Variants in CCDC178 observed in about 807,000 individuals in gnomAD.
The protein encoded by CCDC178 is coiled-coil domain-containing protein 178.
In CCDC178, 126 loss-of-function variants were observed where a neutral mutation model predicts 117.4. That is an observed-to-expected ratio of 1.07 (90% confidence interval 0.93 to 1.24). The LOEUF is 1.24. CCDC178 is among the 50% of genes most tolerant of loss of function. CCDC178 has a pLI of 0.00. For synonymous variants in CCDC178, 283 were observed against 313.4 expected (o/e 0.90, Z 1.02); for missense variants, 1,030 against 986.9 (o/e 1.04, Z -0.59).
At chr18:32,965,790 A>G (rs895914994) in intron 22 of CCDC178, among the ~76,000 whole-genome samples, 3 of 151,456 alleles carry the variant, frequency 2.0e-5, no homozygotes, top group African/African-American at 7.2e-5. Flanking sequence ...CAGCATGATG[A>G]CGGAAAACAA....
At chr18:33,188,755 C>T (rs751891948) in intron 20 of CCDC178, among the ~76,000 whole-genome samples, 2 of 152,126 alleles carry the variant, frequency 1.3e-5, no homozygotes, top group African/African-American at 4.8e-5. Flanking sequence ...TCTGCCAACA[C>T]CTTGATTTCA....
intron 21 of CCDC178, among the ~76,000 whole-genome samples, chr18:33,087,196 T>C (rs1431502643): frequency 6.6e-6 from 1 of 152,298 alleles, no homozygotes; most frequent in East Asian, 1.9e-4. Flanking sequence ...CAAAACTGCA[T>C]GAAAGATACA....
intron 9 of CCDC178, among the ~76,000 whole-genome samples, chr18:33,335,145 G>A (rs1409669346): frequency 6.6e-6 from 1 of 151,774 alleles, no homozygotes; most frequent in Non-Finnish European, 1.5e-5. Flanking sequence ...CCATTTTGTT[G>A]TTGGGTTTCT....
chr18:33,055,517 T>C (rs1411128200), intron 21 of CCDC178, among the ~76,000 whole-genome samples: 1 of 152,000 alleles, frequency 6.6e-6, no homozygotes, highest in Non-Finnish European at 1.5e-5. Flanking sequence ...TTTGCAGAGA[T>C]GGATTCTTAC....
intron 14 of CCDC178, among the ~76,000 whole-genome samples, chr18:33,253,545 T>C (rs959820388): frequency 2.6e-5 from 4 of 151,802 alleles, no homozygotes; most frequent in South Asian, 4.1e-4. Context: ...AGATAAATGG[T>C]AGAGTTAAAA....
chr18:33,231,208 T>C (rs2059364048), intron 15 of CCDC178, among the ~76,000 whole-genome samples: 1 of 152,234 alleles, frequency 6.6e-6, no homozygotes, highest in African/African-American at 2.4e-5. Context: ...ATTATTGTAA[T>C]TATGTTATAT....
At chr18:33,341,815 T>G (rs1248326702) in intron 9 of CCDC178, among the ~76,000 whole-genome samples, 1 of 152,172 alleles carries the variant, frequency 6.6e-6, no homozygotes, top group African/African-American at 2.4e-5. Flanking sequence ...CAGGTATGTC[T>G]TTATCAGCAG....
intron 20 of CCDC178, among the ~76,000 whole-genome samples, chr18:33,108,877 T>A (rs2057742047): frequency 6.6e-6 from 1 of 151,686 alleles, no homozygotes; most frequent in Non-Finnish European, 1.5e-5. Context: ...TAGTTAGAAA[T>A]GTTATCTGTG....
chr18:33,212,288 C>T (rs192620165), intron 19 of CCDC178, among the ~76,000 whole-genome samples: 1 of 152,054 alleles, frequency 6.6e-6, no homozygotes, highest in Admixed American at 6.6e-5. Context: ...GTTGCCTATC[C>T]AGCATGCTTT....
At chr18:32,978,577 T>A (rs934815686) in intron 21 of CCDC178, among the ~76,000 whole-genome samples, 1 of 152,138 alleles carries the variant, frequency 6.6e-6, no homozygotes, top group Non-Finnish European at 1.5e-5. Context: ...AAGGTATAAA[T>A]CAAAAACTTC....
chr18:33,213,374 A>T (rs1279416968), intron 19 of CCDC178, among the ~76,000 whole-genome samples: 2 of 151,924 alleles, frequency 1.3e-5, no homozygotes, highest in African/African-American at 4.8e-5. Flanking sequence ...TCTTTCATCT[A>T]TCTTGCCCTG....
intron 20 of CCDC178, among the ~76,000 whole-genome samples, chr18:33,150,540 A>T (rs779259187): frequency 1.3e-5 from 2 of 152,076 alleles, no homozygotes; most frequent in Non-Finnish European, 2.9e-5. Context: ...AAGAAAAGAA[A>T]ACTCATCAAA....
chr18:32,980,701 T>C (rs1037630809), intron 21 of CCDC178, among the ~76,000 whole-genome samples: 5 of 151,884 alleles, frequency 3.3e-5, no homozygotes, highest in Non-Finnish European at 5.9e-5. Flanking sequence ...CCTGAAAACA[T>C]TTGAAAAGTT....
At chr18:33,344,032 C>T (rs753686666) in intron 9 of CCDC178, among the ~76,000 whole-genome samples, 2 of 151,962 alleles carry the variant, frequency 1.3e-5, no homozygotes, top group Non-Finnish European at 2.9e-5. Context: ...CGGCCGGGCG[C>T]GGTGGCTCAC....
At chr18:33,379,054 AT>A (rs1345441679) in intron 5 of CCDC178, among the ~76,000 whole-genome samples, 1 of 149,560 alleles carries the variant, frequency 6.7e-6, no homozygotes, top group Non-Finnish European at 1.5e-5. Context: ...AATTTTGTAA[AT>A]ATTTTCATGC....
rs199827790 is a variant in CCDC178 at position 33,357,966 on chromosome 18, AG to A, written c.349-1621del. Among the ~76,000 whole-genome samples the A allele has an allele frequency of 3.2e-4, 17 of 53,920 alleles. No individual in the cohort carries two copies. In the East Asian group the frequency reaches 1.0e-2, roughly 32 times the overall value. The allele number at this position is 53,920 out of a possible 152,430, so 35.4% of individuals were successfully genotyped here. On this transcript the variant is annotated intron_variant, in intron 6 of 22. Coordinates refer to ENST00000383096, the MANE Select transcript of CCDC178 (RefSeq NM_001105528.4). ...ATTCTGTCATTGTGCGAACATCATA[AG>A]AGTATATTTATACAAACCTCAGTGG...
intron 22 of CCDC178, among the ~76,000 whole-genome samples, chr18:32,967,114 A>C (rs890363970): frequency 1.3e-5 from 2 of 151,826 alleles, no homozygotes; most frequent in Non-Finnish European, 2.9e-5. Context: ...AATGCTTCTC[A>C]GCATTGATTA....
In CCDC178 at chr18:33,038,727, G is replaced by A. The variant is rs1197805511; in HGVS notation, c.2388+54034C>T. On this transcript the variant is annotated intron_variant, in intron 21 of 22. Transcript: ENST00000383096. ...AGTGAGGTAGAATGAGGTTGTCTAA[G>A]AAGAGATGCTGGTAGTATCACTGAC... Among the ~76,000 whole-genome samples, 3 of 152,012 alleles carry A rather than the reference G, an allele frequency of 2.0e-5. No individual in the cohort carries two copies. The East Asian group carries it at 5.8e-4, about 29-fold the overall frequency.
intron 18 of CCDC178, among the ~76,000 whole-genome samples, chr18:33,222,097 G>C (rs535258430): frequency 3.9e-5 from 6 of 152,130 alleles, no homozygotes; most frequent in Non-Finnish European, 7.4e-5. Flanking sequence ...GTTTCAGAGT[G>C]TCAGATTGAT....
Sources: gnomAD v4.1 joint callset for allele counts (sites outside exome capture counted in the v4.1 genomes callset) on GRCh38, gnomAD v4.1.1 for gene constraint, MANE v1.5 for transcripts, NCBI Gene and HGNC (gene_info 2026-07-23, HGNC 2026-07-21) for gene names.